Variants in DENND5B observed in about 807,000 individuals in gnomAD.
DENND5B encodes the protein DENN domain-containing protein 5B.
In DENND5B, 34 loss-of-function variants were observed where a neutral mutation model predicts 140.6. That is an observed-to-expected ratio of 0.24 (90% CI 0.18 to 0.32). DENND5B has a LOEUF of 0.32. Ranked by LOEUF, DENND5B falls within the 10% of genes least tolerant of loss-of-function variation. The pLI, the probability that DENND5B is intolerant of heterozygous loss-of-function variation, is 1.00. For missense variants in DENND5B, 1,142 were observed against 1,560.2 expected, an observed-to-expected ratio of 0.73 and a Z score of 4.52; for synonymous variants, 551 against 562.1, an observed-to-expected ratio of 0.98 and a Z score of 0.28.
intron 1 of DENND5B, among the ~76,000 whole-genome samples, chr12:31,546,986 A>G (rs1436933267): frequency 2.0e-5 from 3 of 152,218 alleles, no homozygotes; most frequent in South Asian, 2.1e-4. Context: ...AGAGTCACAC[A>G]TGGGGAATGA....
intron 13 of DENND5B, 62 bp from the exon 14 acceptor site, chr12:31,409,446 C>G: frequency 5.8e-6 from 7 of 1,198,340 alleles, no homozygotes; most frequent in Non-Finnish European, 7.6e-6. Context: ...AAAACCAAGA[C>G]AGTAGTATCA....
At chr12:31,579,516 C>T (rs1950138680) in intron 1 of DENND5B, among the ~76,000 whole-genome samples, 1 of 151,996 alleles carries the variant, frequency 6.6e-6, no homozygotes, top group Non-Finnish European at 1.5e-5. Context: ...CAAAAATGAG[C>T]CAGGCTTGGT....
chr12:31,397,549 CAAAAAAAAAAAAA>C (rs1223481557), intron 17 of DENND5B, among the ~76,000 whole-genome samples: 1 of 49,320 alleles, frequency 2.0e-5, no homozygotes, highest in Non-Finnish European at 3.3e-5. Flanking sequence ...TTCCATCTCA[CAAAAAAAAAAAAA>C]AAAAAAAAAA....
chr12:31,560,670 A>G (rs1407358238), intron 1 of DENND5B, among the ~76,000 whole-genome samples: 1 of 152,156 alleles, frequency 6.6e-6, no homozygotes, highest in East Asian at 1.9e-4. Flanking sequence ...TAAAAACCAA[A>G]GTCCTTTCAA....
At chr12:31,573,342 A>G (rs1028816573) in intron 1 of DENND5B, among the ~76,000 whole-genome samples, 2 of 152,244 alleles carry the variant, frequency 1.3e-5, no homozygotes, top group African/African-American at 4.8e-5. Flanking sequence ...TCACACATAT[A>G]CCAGTGCTTC....
At chr12:31,555,414 A>G (rs1456659764) in intron 1 of DENND5B, among the ~76,000 whole-genome samples, 4 of 152,104 alleles carry the variant, frequency 2.6e-5, no homozygotes, top group African/African-American at 9.7e-5. Flanking sequence ...TTCTTCTGGA[A>G]GTTTTGTCTC....
rs1329802421 is a variant in DENND5B at position 31,402,587 on chromosome 12, T to C, written c.2860A>G (p.Thr954Ala). The part of the protein sequence containing the change: ...PIKKLSNAII[T>A]SNPWICVSGE... ...GATACACAGATCCAAGGGTTTGATG[T>C]GATTATTGCATTGCTCAGCTTTTTG... Residue 954 changes from threonine to alanine, a missense_variant, in exon 15 of 21, where the codon ACA becomes GCA. Thr to Ala is a moderately conservative substitution (Grantham distance 58, BLOSUM62 0). This residue lies in a region of DENND5B where 268 missense variants were observed against 349.2 expected (regional missense o/e 0.77). Transcript: ENST00000389082. The C allele has an allele frequency of 6.2e-7, 1 of 1,613,850 alleles. No individual in the cohort carries two copies. Among genetic ancestry groups the C allele is most frequent in the Non-Finnish European group, 8.5e-7 (1 of 1,179,800 alleles).
At chr12:31,462,567 A>C (rs1184829198) in intron 3 of DENND5B, among the ~76,000 whole-genome samples, 2 of 152,160 alleles carry the variant, frequency 1.3e-5, no homozygotes, top group African/African-American at 4.8e-5. Context: ...CATAAAGCAT[A>C]GGGCCCACTT....
At position 31,424,669 on chromosome 12, in the gene DENND5B, C is replaced by G; in HGVS notation, c.2257G>C (p.Glu753Gln). The G allele has an allele frequency of 6.2e-7, 1 of 1,613,948 alleles. No individual in the cohort carries two copies. Residue 753 changes from glutamate to glutamine, a missense_variant, in exon 10 of 21, where the codon GAG becomes CAG. Glu to Gln is a conservative substitution (Grantham distance 29, BLOSUM62 2). This residue lies in a region of DENND5B where 33 missense variants were observed against 90.8 expected (regional missense o/e 0.36). Coordinates refer to ENST00000389082, the MANE Select transcript of DENND5B (RefSeq NM_144973.4). ...TCCACCGCTTCATGTCCCATCTTCT[C>G]CACCAACATGCGCTTTGTCTAAGAA... is the stretch of plus-strand genomic sequence containing the variant. The part of the protein sequence containing the change: ...CRMKTKRMLV[E>Q]KMGHEAVELG...
rs183659942 is a variant in DENND5B, at chr12:31,392,442, T to C, written c.3340-49A>G. ...CAAAGAAAAATCTCCTGCATCTATGTCTAAAAAAAACACTAGAGAAGCAAG... is the reference window on the plus strand; with the variant it reads ...CAAAGAAAAATCTCCTGCATCTATGCCTAAAAAAAACACTAGAGAAGCAAG... On this transcript the variant is annotated intron_variant, in intron 18 of 20. Coordinates refer to ENST00000389082, the MANE Select transcript of DENND5B (RefSeq NM_144973.4). 151 of 1,603,430 alleles carry C rather than the reference T, an allele frequency of 9.4e-5. 2 individuals are homozygous for C. In the Admixed American group the frequency reaches 2.5e-3, roughly 27 times the overall value.
Position 31,548,946 on chromosome 12 carries a change from G to A in DENND5B, c.127+41760C>T, listed in dbSNP as rs574048157. On this transcript the variant is annotated intron_variant, in intron 1 of 20. Transcript: ENST00000389082. ...GTCTTGCTTTGTCAACCCAGGCTGG[G>A]GTGCAGTGGTACGATCATAGCTCAC... Among the ~76,000 whole-genome samples, 4 of 152,112 alleles carry A rather than the reference G, an allele frequency of 2.6e-5. No homozygotes were observed. In the South Asian group the frequency reaches 8.3e-4, roughly 32 times the overall value.
chr12:31,455,378 G>A lies in DENND5B; in HGVS notation c.1093-2902C>T, dbSNP rs1399563400. Among the ~76,000 whole-genome samples, 13 of 152,278 alleles carry A rather than the reference G, an allele frequency of 8.5e-5. No homozygotes were observed. The East Asian group carries it at 1.9e-3, about 23-fold the overall frequency. On this transcript the variant is annotated intron_variant, in intron 4 of 20. Transcript: ENST00000389082. ...GTTCCAACACCATAGCTACTGGTCT[G>A]TCTTCATGATCCCACAAAAGTCTCC...
chr12:31,583,966 A>C (rs1308316756), intron 1 of DENND5B, among the ~76,000 whole-genome samples: 2 of 152,238 alleles, frequency 1.3e-5, no homozygotes, highest in Non-Finnish European at 2.9e-5. Context: ...CACGTTTCCT[A>C]AAGCATCCTG....
At chr12:31,425,650 G>C (rs2271983) in intron 9 of DENND5B, among the ~76,000 whole-genome samples, 5 of 152,270 alleles carry the variant, frequency 3.3e-5, no homozygotes, top group African/African-American at 1.2e-4. Flanking sequence ...TGTAAAATGA[G>C]AGAGAATCTA....
At chr12:31,585,144 C>T (rs1950353844) in intron 1 of DENND5B, among the ~76,000 whole-genome samples, 1 of 152,130 alleles carries the variant, frequency 6.6e-6, no homozygotes, top group African/African-American at 2.4e-5. Context: ...TCCCAATAAG[C>T]CCCACCTCCA....
chr12:31,433,097 G>T (rs1280269705), intron 8 of DENND5B, 58 bp downstream of exon 8: 3 of 1,386,344 alleles, frequency 2.2e-6, no homozygotes, highest in Non-Finnish European at 3.1e-6. Flanking sequence ...CTGCTGGAAG[G>T]AATAAGCCTA....
chr12:31,493,619 C>G (rs916902737), intron 2 of DENND5B, among the ~76,000 whole-genome samples: 6 of 152,110 alleles, frequency 3.9e-5, no homozygotes, highest in Non-Finnish European at 8.8e-5. Context: ...CACTTGAGGT[C>G]AGGAGTTCAA....
intron 2 of DENND5B, among the ~76,000 whole-genome samples, chr12:31,489,869 T>C (rs1337521382): frequency 6.6e-6 from 1 of 152,038 alleles, no homozygotes; most frequent in Non-Finnish European, 1.5e-5. Context: ...GAAGGAATAG[T>C]AAGAATTCAC....
rs1230665328 is a variant in DENND5B at position 31,504,152 on chromosome 12, A to T, written c.128-8233T>A. 2.0e-5 allele frequency among the ~76,000 whole-genome samples: 3 copies of T among 152,194 alleles called. 1 individual carries two copies. The highest frequency in any genetic ancestry group is 4.4e-5 in the Non-Finnish European group (3 of 68,036). On this transcript the variant is annotated intron_variant, in intron 1 of 20. Transcript: ENST00000389082. ...ATAACGTAAATCACCATTTATATAA[A>T]GTTTGGACTTTAAAGTCTACTTTAT...
Sources: allele counts gnomAD v4.1 joint callset (sites outside exome capture counted in the v4.1 genomes callset), GRCh38; gene constraint gnomAD v4.1.1; regional missense constraint gnomAD v4.1.1; transcripts MANE v1.5; gene names NCBI Gene and HGNC (gene_info 2026-07-23, HGNC 2026-07-21).